MRM1: variants seen among roughly 807,000 people sequenced by gnomAD.
MRM1 encodes mitochondrial rRNA methyltransferase 1, also known as rRNA methyltransferase 1, mitochondrial.
A neutral mutation model predicts 25.0 loss-of-function variants in MRM1; 24 were observed. The ratio of observed to expected loss-of-function variants is 0.96; its 90% confidence interval spans 0.69 to 1.35. The LOEUF (loss-of-function observed/expected upper bound fraction) is 1.35, where lower values mean the gene tolerates loss of function less well. MRM1 is among the 40% of genes most tolerant of loss of function. MRM1 has a pLI of 0.00. For synonymous variants in MRM1, 188 were observed against 199.2 expected, an observed-to-expected ratio of 0.94 and a Z score of 0.47; for missense variants, 431 against 464.1, an observed-to-expected ratio of 0.93 and a Z score of 0.65.
At position 36,607,926 on chromosome 17, in the gene MRM1, A is replaced by C. The variant is rs779744329; in HGVS notation, c.797A>C (p.Glu266Ala). 1.2e-6 allele frequency: 2 copies of C among 1,614,080 alleles called. No homozygotes were observed. Among genetic ancestry groups the C allele is most frequent in the South Asian group, 2.2e-5 (2 of 91,076 alleles). The change falls in exon 4 of 5, where the codon GAG (glutamate) becomes GCG (alanine). Residue 266 changes from glutamate to alanine, a missense_variant. Glu to Ala is a moderately radical substitution (Grantham distance 107). Coordinates refer to ENST00000614766, the MANE Select transcript of MRM1 (RefSeq NM_024864.5). Reference sequence around the variant, plus strand: ...AATGAGGGCTCAGGTCTATCCCAGGAGGTGCAGGCCTCCTGCCAGCTTCTC... The same window carrying C: ...AATGAGGGCTCAGGTCTATCCCAGGCGGTGCAGGCCTCCTGCCAGCTTCTC... ...LGNEGSGLSQ[E>A]VQASCQLLLT...
the MRM1 span, among the ~76,000 whole-genome samples, chr17:36,615,454 T>G: frequency 1.4e-5 from 2 of 143,508 alleles, no homozygotes; most frequent in Non-Finnish European, 3.0e-5. Context: ...AGGTCAGGAG[T>G]TTGAGACCAG....
At chr17:36,630,055 C>A in the MRM1 span, among the ~76,000 whole-genome samples, 1 of 152,216 alleles carries the variant, frequency 6.6e-6, no homozygotes, top group Non-Finnish European at 1.5e-5. Context: ...TGACCTTGGG[C>A]AAGCCACTAA....
chr17:36,607,604 G>A, intron 2 of MRM1, 66 bp from the exon 3 acceptor site: 2 of 1,538,674 alleles, frequency 1.3e-6, no homozygotes, highest in African/African-American at 1.4e-5. Context: ...GCCTGAGCGA[G>A]AGTAAGACCC....
rs2074945704 is a variant in MRM1, at chr17:36,607,932, AG to A, written c.805del (p.Ala269ProfsTer22). On this transcript the variant is annotated frameshift_variant, in exon 4 of 5. Transcript: ENST00000614766. LOFTEE classifies it high-confidence loss of function. Reference sequence around the variant, plus strand: ...GGCTCAGGTCTATCCCAGGAGGTGCAGGCCTCCTGCCAGCTTCTCCTCACCA... The same window carrying A: ...GGCTCAGGTCTATCCCAGGAGGTGCAGCCTCCTGCCAGCTTCTCCTCACCA... ...NEGSGLSQEV[Q>X]ASCQLLLTIL... 1 of 1,613,988 alleles carries A rather than the reference AG, an allele frequency of 6.2e-7. No individual in the cohort carries two copies. Among genetic ancestry groups the A allele is most frequent in the African/African-American group, 1.3e-5 (1 of 74,930 alleles).
At chr17:36,627,683 T>TTG in the MRM1 span, among the ~76,000 whole-genome samples, 1 of 146,204 alleles carries the variant, frequency 6.8e-6, no homozygotes, top group African/African-American at 2.6e-5. Flanking sequence ...TGTTTTTTTT[T>TTG]TTTTTTTTTT....
At chr17:36,619,189 G>A in the MRM1 span, among the ~76,000 whole-genome samples, 2 of 152,188 alleles carry the variant, frequency 1.3e-5, no homozygotes, top group African/African-American at 4.8e-5. Context: ...ATGTCTTCAA[G>A]GTTTGTCCAT....
the MRM1 span, among the ~76,000 whole-genome samples, chr17:36,622,337 C>T: frequency 2.6e-5 from 4 of 151,994 alleles, no homozygotes; most frequent in Non-Finnish European, 4.4e-5. Flanking sequence ...TTTGGGAGGC[C>T]GAGGTGTGTG....
chr17:36,631,545 G>A, the MRM1 span, among the ~76,000 whole-genome samples: 4 of 152,234 alleles, frequency 2.6e-5, no homozygotes, highest in Non-Finnish European at 5.9e-5. Context: ...TGCTTTCAGA[G>A]TTGGGAACCT....
At chr17:36,610,175 T>A (rs11869178), downstream of MRM1, among the ~76,000 whole-genome samples, 2 of 151,302 alleles carry the variant, frequency 1.3e-5, no homozygotes, top group African/African-American at 2.4e-5. Context: ...TGATCTGCCC[T>A]CCTCAGCCTC....
At chr17:36,610,906 T>C (rs2074973118), downstream of MRM1, among the ~76,000 whole-genome samples, 3 of 152,202 alleles carry the variant, frequency 2.0e-5, no homozygotes, top group African/African-American at 4.8e-5. Context: ...CTCTGGCTCC[T>C]GGGTTCAAGC....
the MRM1 span, among the ~76,000 whole-genome samples, chr17:36,615,793 C>T: frequency 6.6e-6 from 1 of 151,950 alleles, no homozygotes. Flanking sequence ...GTCAGAAGTT[C>T]AAGACCAGCC....
At position 36,602,661 on chromosome 17, in the gene MRM1, G is replaced by A; in HGVS notation, c.636+15G>A. ...GATTTTTACAGGTAATGAGGGGCAA[G>A]AGGGGAAGGAACAGATGTGAGCCCA... On this transcript the variant is annotated intron_variant, in intron 2 of 4. Coordinates refer to ENST00000614766, the MANE Select transcript of MRM1 (RefSeq NM_024864.5). This position sits in a 1 kb window ranked among gnomAD's most constrained non-coding sequence, Gnocchi z 4.1. 1 of 1,613,740 alleles carries A rather than the reference G, an allele frequency of 6.2e-7. No homozygotes were observed. The highest frequency in any genetic ancestry group is 1.1e-5 in the South Asian group (1 of 91,068).
At chr17:36,632,796 A>G in the MRM1 span, among the ~76,000 whole-genome samples, 2 of 152,180 alleles carry the variant, frequency 1.3e-5, no homozygotes, top group Non-Finnish European at 2.9e-5. Flanking sequence ...GGCTTTGTGA[A>G]GAAGGAGCAG....
chr17:36,605,640 T>C (rs1599579910), intron 2 of MRM1, among the ~76,000 whole-genome samples: 1 of 149,876 alleles, frequency 6.7e-6, no homozygotes, highest in East Asian at 1.9e-4. Context: ...GTTGTTGTTA[T>C]TGTTGTTGTT....
At chr17:36,615,532 G>A in the MRM1 span, among the ~76,000 whole-genome samples, 4 of 151,736 alleles carry the variant, frequency 2.6e-5, no homozygotes, top group South Asian at 2.1e-4. Flanking sequence ...GATGGCAGGC[G>A]CCTATAATCC....
chr17:36,602,169 G>C lies in MRM1; in HGVS notation c.359G>C (p.Cys120Ser), dbSNP rs78943308. The part of the protein sequence containing the change: ...MCRYQVHQGV[C>S]MEVSPLRPRP... ...CGCTACCAGGTCCACCAGGGTGTCTGCATGGAGGTGAGCCCGCTGCGGCCC... is the reference window on the plus strand; with the variant it reads ...CGCTACCAGGTCCACCAGGGTGTCTCCATGGAGGTGAGCCCGCTGCGGCCC... The change falls in exon 1 of 5, where the codon TGC becomes TCC. Residue 120 changes from cysteine to serine, a missense_variant. Physicochemically the swap from Cys to Ser is moderately radical, Grantham distance 112. Transcript: ENST00000614766. This position sits in a 1 kb window ranked among gnomAD's most constrained non-coding sequence, Gnocchi z 4.1. 0.052 allele frequency: 84,616 copies of C among 1,612,390 alleles called. 2,909 individuals are homozygous for C. Among genetic ancestry groups the C allele is most frequent in the East Asian group, 0.17 (7,788 of 44,846 alleles).
the MRM1 span, among the ~76,000 whole-genome samples, chr17:36,633,204 T>G: frequency 1.3e-5 from 2 of 152,114 alleles, no homozygotes; most frequent in Non-Finnish European, 2.9e-5. Flanking sequence ...CCGTCTCCCC[T>G]TCTCCCTCAG....
rs779652306 is a variant in MRM1 at position 36,601,994 on chromosome 17, C to T, written c.184C>T (p.Leu62=). 1.2e-6 allele frequency: 2 copies of T among 1,610,336 alleles called. No homozygotes were observed. Among genetic ancestry groups the T allele is most frequent in the Non-Finnish European group, 1.7e-6 (2 of 1,179,104 alleles). ...LFGMTPCLLA[L]QAARRSVARL... is the part of the protein sequence containing the mutation. Reference sequence around the variant, plus strand: ...TGGCATGACCCCGTGTCTCCTGGCTCTGCAGGCCGCCCGCCGCTCTGTGGC... The same window carrying T: ...TGGCATGACCCCGTGTCTCCTGGCTTTGCAGGCCGCCCGCCGCTCTGTGGC... Residue 62 remains leucine, a synonymous_variant, in exon 1 of 5, where the codon CTG becomes TTG. Transcript: ENST00000614766.
At chr17:36,610,318 T>C (rs1599587061), downstream of MRM1, among the ~76,000 whole-genome samples, 1 of 151,942 alleles carries the variant, frequency 6.6e-6, no homozygotes, top group African/African-American at 2.4e-5. Flanking sequence ...CTGAAAGCTC[T>C]GCCTTCCGAG....
Sources: allele counts gnomAD v4.1 joint callset (sites outside exome capture counted in the v4.1 genomes callset), GRCh38; gene constraint gnomAD v4.1.1; non-coding constraint Gnocchi (gnomAD v3.1); transcripts MANE v1.5; gene names NCBI Gene and HGNC (gene_info 2026-07-23, HGNC 2026-07-21).